RHD: variants seen among roughly 807,000 people sequenced by gnomAD.
RHD encodes the protein blood group Rh(D) polypeptide.
RHD carries 16 observed loss-of-function variants against 45.5 expected under a neutral mutation model. The ratio of observed to expected loss-of-function variants is 0.35; its 90% confidence interval spans 0.24 to 0.53. RHD has a LOEUF of 0.53. Ranked by LOEUF, RHD falls within the 20% of genes least tolerant of loss-of-function variation. RHD has a pLI of 0.92. For missense variants in RHD, 306 were observed against 532.0 expected, an observed-to-expected ratio of 0.58 and a Z score of 4.18; for synonymous variants, 131 against 217.5, an observed-to-expected ratio of 0.60 and a Z score of 3.50.
chr1:25,284,499 A>C, intron 1 of RHD, 74 bp from the exon 2 acceptor site: 1 of 1,270,690 alleles, frequency 7.9e-7, no homozygotes, highest in Middle Eastern at 1.9e-4. Context: ...CCATTTAGTA[A>C]GACTCTAATT....
At chr1:25,288,148 G>A (rs1642205160) in intron 2 of RHD, among the ~76,000 whole-genome samples, 1 of 132,388 alleles carries the variant, frequency 7.6e-6, no homozygotes, top group Non-Finnish European at 1.8e-5. Context: ...CTCCCAAGTA[G>A]CTGGGACTGT....
rs763032451 is a variant in RHD, at chr1:25,301,694, G to C, written c.801+8G>C. 7.3e-7 allele frequency: 1 copy of C among 1,378,494 alleles called. No homozygotes were observed. The highest frequency in any genetic ancestry group is 1.0e-6 in the Non-Finnish European group (1 of 977,870). 85.4% of individuals were successfully genotyped at this position (1,378,494 alleles called of 1,614,324 possible). Reference sequence around the variant, plus strand: ...CAAGGGAAGATCAGCAAGGTGAGCAGGGCGCTGCCCTTGGGCAGCACTTGG... The same window carrying C: ...CAAGGGAAGATCAGCAAGGTGAGCACGGCGCTGCCCTTGGGCAGCACTTGG... On this transcript the variant is annotated splice_region_variant and intron_variant, in intron 5 of 9. Coordinates refer to ENST00000328664, the MANE Select transcript of RHD (RefSeq NM_016124.6).
rs1644387300 is a variant in RHD, at chr1:25,315,463, CTTT to C, written c.1074-1534_1074-1532del. ...CTACATGAGCAGCAGGGTGGCAACT[CTTT>C]TTATCTTTTTAATTTATTTTTCTTT... On this transcript the variant is annotated intron_variant, in intron 7 of 9. Transcript: ENST00000328664. Among the ~76,000 whole-genome samples the C allele has an allele frequency of 1.6e-5, 2 of 124,572 alleles. 1 individual carries two copies. 81.7% of individuals were successfully genotyped at this position (124,572 alleles called of 152,430 possible).
rs1453895572 is a variant in RHD at position 25,308,615 on chromosome 1, A to G, written c.1073+1886A>G. On this transcript the variant is annotated intron_variant, in intron 7 of 9. Transcript: ENST00000328664. ...TTCAAGCTGTCAAGGAGACATCACT[A>G]TACATGGACTTGGGAAGAGATGAGA... Among the ~76,000 whole-genome samples the G allele has an allele frequency of 9.9e-5, 13 of 131,676 alleles. 2 individuals are homozygous for G. The highest frequency in any genetic ancestry group is 2.4e-4 in the African/African-American group (9 of 38,162). 86.4% of individuals were successfully genotyped at this position (131,676 alleles called of 152,430 possible).
rs1643886497 is a variant in RHD at position 25,307,007 on chromosome 1, A to C, written c.1073+278A>C. The C allele has an allele frequency of 1.8e-5, 7 of 389,824 alleles. 2 individuals carry two copies. The highest frequency in any genetic ancestry group is 1.4e-4 in the South Asian group (7 of 49,134). The allele number at this position is 389,824 out of a possible 1,614,324, so 24.1% of individuals were successfully genotyped here. A position where few individuals can be genotyped will look rare whatever the true frequency, so the allele number is the denominator to read the frequency against. On this transcript the variant is annotated intron_variant, in intron 7 of 9. Transcript: ENST00000328664. ...TGATCCCACAAACACAGAGCAGGTC[A>C]AATAGGCCCAAGCCAATTGAGACTG...
chr1:25,312,920 TAAAAAAAAAAAA>T (rs58027687), intron 7 of RHD, among the ~76,000 whole-genome samples: 414 of 6,854 alleles, frequency 0.06, 23 homozygotes, highest in African/African-American at 0.1. Flanking sequence ...ATCCCATCTC[TAAAAAAAAAAAA>T]AAAAAAAAAA....
At position 25,329,074 on chromosome 1, in the gene RHD, T is replaced by G. The variant is rs1644922559; in HGVS notation, c.*150T>G. On this transcript the variant is annotated 3_prime_UTR_variant, in exon 10 of 10. Coordinates refer to ENST00000328664, the MANE Select transcript of RHD (RefSeq NM_016124.6). ...AGTCAGAGAAAATGGAGTTGAATCC[T>G]TTCTCTGCCACTCTTTGAGGAGAAT... The G allele has an allele frequency of 7.5e-7, 1 of 1,328,110 alleles. No individual in the cohort carries two copies. Among genetic ancestry groups the G allele is most frequent in the African/African-American group, 1.4e-5 (1 of 70,166 alleles). 82.3% of individuals were successfully genotyped at this position (1,328,110 alleles called of 1,614,324 possible). A position where few individuals can be genotyped will look rare whatever the true frequency, so the allele number is the denominator to read the frequency against.
intron 2 of RHD, among the ~76,000 whole-genome samples, chr1:25,285,152 G>C: frequency 1.2e-5 from 1 of 81,924 alleles, no homozygotes; most frequent in African/African-American, 5.0e-5. Context: ...TTTTTTTTTT[G>C]AGACGGAGTT....
intron 7 of RHD, among the ~76,000 whole-genome samples, chr1:25,312,011 A>G (rs560469327): frequency 2.5e-5 from 3 of 118,634 alleles, no homozygotes; most frequent in East Asian, 2.0e-4. Flanking sequence ...TCATAGTGCA[A>G]TGCCAGCTTG....
At chr1:25,310,991 A>C (rs1303042924) in intron 7 of RHD, among the ~76,000 whole-genome samples, 1 of 130,476 alleles carries the variant, frequency 7.7e-6, no homozygotes, top group Non-Finnish European at 1.8e-5. Context: ...AAAAAAAAGA[A>C]AGAAAAAGAA....
chr1:25,299,089 A>AC (rs1250264727), intron 3 of RHD, among the ~76,000 whole-genome samples: 1 of 126,558 alleles, frequency 7.9e-6, no homozygotes, highest in African/African-American at 2.7e-5. Flanking sequence ...AAAAAAAAAA[A>AC]AAAAAAAACA....
chr1:25,299,244 C>A (rs567108013), intron 3 of RHD, among the ~76,000 whole-genome samples: 1 of 128,554 alleles, frequency 7.8e-6, no homozygotes, highest in East Asian at 2.0e-4. Flanking sequence ...TAGCCGGGCA[C>A]GGTGGTGGGT....
chr1:25,273,302 A>ATTTT (rs750823240), intron 1 of RHD, among the ~76,000 whole-genome samples: 1 of 97,774 alleles, frequency 1.0e-5, no homozygotes, highest in African/African-American at 3.7e-5. Flanking sequence ...TGCCTGGCTA[A>ATTTT]TTTTTTTTTT....
At chr1:25,286,481 C>A (rs1444588076) in intron 2 of RHD, among the ~76,000 whole-genome samples, 1 of 133,822 alleles carries the variant, frequency 7.5e-6, no homozygotes, top group African/African-American at 2.6e-5. Flanking sequence ...AGAGTGAGAC[C>A]CTGTCTCAAA....
intron 6 of RHD, chr1:25,304,889 C>G (rs538006013): frequency 7.6e-6 from 1 of 132,070 alleles, no homozygotes; most frequent in South Asian, 2.3e-4. Context: ...CAGCGCCCAT[C>G]GCATTCCCTG....
intron 7 of RHD, among the ~76,000 whole-genome samples, chr1:25,309,868 G>A (rs1212140930): frequency 1.5e-5 from 2 of 133,412 alleles, no homozygotes; most frequent in African/African-American, 5.1e-5. Context: ...TTATCATGGT[G>A]ATGGATTTCT....
In RHD at chr1:25,300,389, G is replaced by A. The variant is rs539728186; in HGVS notation, c.487-557G>A. ...TGGCCAGGCATGGTTGTACATTCCTGTAATCCCAGCTACTCAGGAGGCTGA... is the reference window on the plus strand; with the variant it reads ...TGGCCAGGCATGGTTGTACATTCCTATAATCCCAGCTACTCAGGAGGCTGA... On this transcript the variant is annotated intron_variant, in intron 3 of 9. Transcript: ENST00000328664. 1.5e-4 allele frequency among the ~76,000 whole-genome samples: 20 copies of A among 130,368 alleles called. 3 individuals carry two copies. The highest frequency in any genetic ancestry group is 5.3e-4 in the African/African-American group (20 of 37,788). 85.5% of individuals were successfully genotyped at this position (130,368 alleles called of 152,430 possible).
At position 25,329,236 on chromosome 1, in the gene RHD, T is replaced by C. The variant is rs952385886; in HGVS notation, c.*312T>C. Reference sequence around the variant, plus strand: ...CTAAGGTTAATTTATTATTATTCCTTGTTTTTTTTTTTTTTTTTTTTTTTT... The same window carrying C: ...CTAAGGTTAATTTATTATTATTCCTCGTTTTTTTTTTTTTTTTTTTTTTTT... On this transcript the variant is annotated 3_prime_UTR_variant, in exon 10 of 10. Transcript: ENST00000328664. 159 of 508,934 alleles carry C rather than the reference T, an allele frequency of 3.1e-4. 17 individuals carry two copies. The African/African-American group carries it at 3.6e-3, about 11-fold the overall frequency. The allele number at this position is 508,934 out of a possible 1,614,324, so 31.5% of individuals were successfully genotyped here. A position where few individuals can be genotyped will look rare whatever the true frequency, so the allele number is the denominator to read the frequency against.
chr1:25,287,707 G>A (rs561113333), intron 2 of RHD, among the ~76,000 whole-genome samples: 5 of 135,336 alleles, frequency 3.7e-5, no homozygotes, highest in Non-Finnish European at 5.3e-5. Context: ...GAACTCTGAA[G>A]TGGGATGTTT....
Sources: gnomAD v4.1 joint callset for allele counts (sites outside exome capture counted in the v4.1 genomes callset) on GRCh38, gnomAD v4.1.1 for gene constraint, MANE v1.5 for transcripts, NCBI Gene and HGNC (gene_info 2026-07-23, HGNC 2026-07-21) for gene names.